FHAD1: variants seen among roughly 807,000 people sequenced by gnomAD.
The protein encoded by FHAD1 is forkhead associated phosphopeptide binding domain 1.
In FHAD1, 146 loss-of-function variants were observed where a neutral mutation model predicts 191.3. The ratio of observed to expected loss-of-function variants is 0.76; its 90% CI spans 0.67 to 0.88. The LOEUF (loss-of-function observed/expected upper bound fraction) is 0.88. Ranked by LOEUF, FHAD1 falls within the 40% of genes least tolerant of loss-of-function variation. The probability of loss-of-function intolerance (pLI) is 0.00; values close to 1 mark genes in which losing one functional copy is unlikely to be tolerated. For missense variants in FHAD1, 1,635 were observed against 1,785.8 expected (o/e 0.92, Z 1.52); for synonymous variants, 616 against 672.3 (o/e 0.92, Z 1.29).
At chr1:15,370,641 G>T (rs1697797239) in intron 26 of FHAD1, among the ~76,000 whole-genome samples, 1 of 152,204 alleles carries the variant, frequency 6.6e-6, no homozygotes, top group Admixed American at 6.5e-5. Context: ...TCTGATGGGA[G>T]TGTGTCTTTG....
Position 15,272,525 on chromosome 1 carries a change from C to A in FHAD1, c.296C>A (p.Pro99His). 6 of 1,543,530 alleles carry A rather than the reference C, an allele frequency of 3.9e-6. No homozygotes were observed. The highest frequency in any genetic ancestry group is 5.3e-6 in the Non-Finnish European group (6 of 1,141,718). The change falls in exon 3 of 34, where the codon CCT becomes CAT. Residue 99 changes from proline (P) to histidine (H), a missense_variant. By Grantham distance (77) the Pro-to-His change is moderately conservative. Coordinates refer to ENST00000688493, the MANE Select transcript of FHAD1 (RefSeq NM_001391957.1). ...LTYELVIENP[P>H]PVSFPWMRGP... ...TATGAACTGGTCATTGAAAATCCAC[C>A]TCCGGTGAGTCCGGGCCACTGGGGG... is the stretch of plus-strand genomic sequence containing the variant.
chr1:15,240,630 C>CAAAAAA (rs34684294), intron 1 of FHAD1, among the ~76,000 whole-genome samples: 2 of 109,862 alleles, frequency 1.8e-5, no homozygotes, highest in Non-Finnish European at 3.6e-5. Flanking sequence ...GACCCTGTCT[C>CAAAAAA]AAAAAAAAAA....
rs1703956443 is a variant in FHAD1, at chr1:15,391,202, T to C, written c.4270-8T>C. The C allele has an allele frequency of 7.8e-7, 1 of 1,280,884 alleles. No individual in the cohort carries two copies. The highest frequency in any genetic ancestry group is 1.0e-6 in the Non-Finnish European group (1 of 983,312). 79.3% of individuals were successfully genotyped at this position (1,280,884 alleles called of 1,614,324 possible). Reference sequence around the variant, plus strand: ...CTAGATTTTGTTCTTATTCTTTCTGTATTGAAGAGACGAGTATTTGTAGAG... The same window carrying C: ...CTAGATTTTGTTCTTATTCTTTCTGCATTGAAGAGACGAGTATTTGTAGAG... On this transcript the variant is annotated splice_region_variant and splice_polypyrimidine_tract_variant and intron_variant, in intron 32 of 33. Transcript: ENST00000688493.
intron 33 of FHAD1, among the ~76,000 whole-genome samples, chr1:15,396,269 C>T (rs926248543): frequency 1.5e-4 from 23 of 151,634 alleles, no homozygotes; most frequent in Admixed American, 5.3e-4. Flanking sequence ...CTGCAGTGAG[C>T]GGGGATTGCT....
intron 4 of FHAD1, among the ~76,000 whole-genome samples, chr1:15,290,875 ATTTTTTG>A (rs1664421313): frequency 6.6e-6 from 1 of 151,544 alleles, no homozygotes; most frequent in Admixed American, 6.6e-5. Context: ...TACCCGGCTA[ATTTTTTG>A]TTTTTGTATT....
In FHAD1 at chr1:15,289,493, A is replaced by T; in HGVS notation, c.395A>T (p.His132Leu). ...QQPNQAPPPSHIPFHQGVQPA... is the reference protein window; with the variant it reads ...QQPNQAPPPSLIPFHQGVQPA... ...CCAAACCAGGCCCCCCCACCATCAC[A>T]TATCCCCTTCCACCAAGGTGTCCAG... The change falls in exon 4 of 34, where the codon CAT becomes CTT. Residue 132 changes from histidine to leucine, a missense_variant. Physicochemically the swap from His to Leu is moderately conservative, Grantham distance 99. Coordinates refer to ENST00000688493, the MANE Select transcript of FHAD1 (RefSeq NM_001391957.1). The surrounding 1 kb of genome is among the most constrained non-coding windows in gnomAD (Gnocchi z 4.2). 5 of 1,551,810 alleles carry T rather than the reference A, an allele frequency of 3.2e-6. No homozygotes were observed. The highest frequency in any genetic ancestry group is 4.4e-6 in the Non-Finnish European group (5 of 1,147,024).
intron 20 of FHAD1, among the ~76,000 whole-genome samples, chr1:15,356,429 T>C (rs1274471708): frequency 6.6e-6 from 1 of 152,200 alleles, no homozygotes; most frequent in Non-Finnish European, 1.5e-5. Flanking sequence ...GGGGTGATCA[T>C]CTGAAGGAGT....
In FHAD1 at chr1:15,358,906, G is replaced by A. The variant is rs964736855; in HGVS notation, c.2736+623G>A. ...GAGAGAACAGCTCTGGGTGTGGAAC[G>A]TGGTGTAGACCAGAATCATAAGGAG... On this transcript the variant is annotated intron_variant, in intron 21 of 33. Transcript: ENST00000688493. Among the ~76,000 whole-genome samples, 4 of 152,118 alleles carry A rather than the reference G, an allele frequency of 2.6e-5. No individual in the cohort carries two copies. The South Asian group carries it at 6.2e-4, about 24-fold the overall frequency.
chr1:15,237,064 G>A (rs775540625), intron 1 of FHAD1, among the ~76,000 whole-genome samples: 2 of 152,048 alleles, frequency 1.3e-5, no homozygotes, highest in African/African-American at 4.8e-5. Flanking sequence ...CACCATGATC[G>A]TAAGTTTCCT....
rs1463583598 is a variant in FHAD1, at chr1:15,367,578, A to G, written c.3270A>G (p.Val1090=). The G allele has an allele frequency of 2.0e-6, 3 of 1,531,084 alleles. No individual in the cohort carries two copies. In the African/African-American group the frequency reaches 4.2e-5, roughly 21 times the overall value. The allele number at this position is 1,531,084 out of a possible 1,614,324, so 94.8% of individuals were successfully genotyped here. A position where few individuals can be genotyped will look rare whatever the true frequency, so the allele number is the denominator to read the frequency against. Reference sequence around the variant, plus strand: ...AGATGGCCCAGATGAGCAGCCTGGTAGAAAAGAAAGATCGGGAGCTGAAGG... The same window carrying G: ...AGATGGCCCAGATGAGCAGCCTGGTGGAAAAGAAAGATCGGGAGCTGAAGG... The part of the protein sequence containing the change: ...KEKMAQMSSL[V]EKKDRELKAL... The change falls in exon 25 of 34, where the codon GTA becomes GTG. Residue 1090 remains valine (V), a synonymous_variant. Transcript: ENST00000688493.
chr1:15,362,195 A>T (rs1695030166), intron 22 of FHAD1, among the ~76,000 whole-genome samples: 1 of 152,216 alleles, frequency 6.6e-6, no homozygotes, highest in South Asian at 2.1e-4. Context: ...GTGAGGATAA[A>T]CAAGTGAGTG....
chr1:15,292,475 AGG>A (rs1244982764), intron 4 of FHAD1, among the ~76,000 whole-genome samples: 10 of 152,222 alleles, frequency 6.6e-5, no homozygotes, highest in African/African-American at 2.4e-4. Flanking sequence ...CTGGGACTAC[AGG>A]CGCCCGCCAC....
intron 26 of FHAD1, among the ~76,000 whole-genome samples, chr1:15,370,869 G>A (rs184279533): frequency 5.3e-5 from 8 of 152,232 alleles, no homozygotes; most frequent in East Asian, 1.9e-4. Flanking sequence ...GATTTTCACC[G>A]GGAAGCCAGG....
intron 4 of FHAD1, among the ~76,000 whole-genome samples, chr1:15,294,626 T>C (rs1666316146): frequency 2.0e-5 from 3 of 152,126 alleles, no homozygotes; most frequent in African/African-American, 4.8e-5. Flanking sequence ...CTCCTGTCCT[T>C]AAGTGATCTG....
At chr1:15,365,665 T>C (rs568896816) in intron 23 of FHAD1, among the ~76,000 whole-genome samples, 162 bp from the exon 24 acceptor site, 38 of 152,128 alleles carry the variant, frequency 2.5e-4, no homozygotes, top group African/African-American at 8.9e-4. Flanking sequence ...AAGTCGTTTT[T>C]CTTTTAGAGT....
chr1:15,323,656 G>A (rs185284192), intron 10 of FHAD1, among the ~76,000 whole-genome samples: 1 of 152,300 alleles, frequency 6.6e-6, no homozygotes, highest in African/African-American at 2.4e-5. Context: ...CCCTGGCTCA[G>A]CAGATGCCCA....
At chr1:15,400,700 G>A (rs1570746018), downstream of FHAD1, among the ~76,000 whole-genome samples, 2 of 152,218 alleles carry the variant, frequency 1.3e-5, no homozygotes, top group African/African-American at 4.8e-5. Context: ...TAGCACTGAG[G>A]TTGAGAAACC....
chr1:15,386,150 A>T (rs1323747545), intron 31 of FHAD1, among the ~76,000 whole-genome samples: 1 of 152,134 alleles, frequency 6.6e-6, no homozygotes, highest in Admixed American at 6.5e-5. Context: ...AGCACCAATA[A>T]CGGTAACAAC....
chr1:15,399,114 G>A (rs577712239), downstream of FHAD1, among the ~76,000 whole-genome samples: 43 of 152,128 alleles, frequency 2.8e-4, no homozygotes, highest in African/African-American at 7.5e-4. Context: ...GAGCTACCGC[G>A]GCCAGCCTAC....
Sources: gnomAD v4.1 joint callset for allele counts (sites outside exome capture counted in the v4.1 genomes callset) on GRCh38, gnomAD v4.1.1 for gene constraint, Gnocchi (gnomAD v3.1) non-coding constraint, MANE v1.5 for transcripts, NCBI Gene and HGNC (gene_info 2026-07-23, HGNC 2026-07-21) for gene names.